The following ABCA13 variants were observed in gnomAD, a reference collection of about 807,000 sequenced individuals.
The protein encoded by ABCA13 is ATP binding cassette subfamily A member 13, also known as ATP-binding cassette sub-family A member 13.
ABCA13 carries 476 observed loss-of-function variants against 478.7 expected under a neutral mutation model. That is an observed-to-expected ratio of 0.99 (90% CI 0.92 to 1.07). The LOEUF is 1.07. Ranked by LOEUF, ABCA13 falls within the 50% of genes least tolerant of loss-of-function variation. ABCA13 has a pLI of 0.00. For synonymous variants in ABCA13, 2,252 were observed against 2,158.9 expected (o/e 1.04, Z -1.20); for missense variants, 6,060 against 5,910.6 (o/e 1.03, Z -0.83).
At chr7:48,554,894 G>C (rs535521906) in intron 55 of ABCA13, among the ~76,000 whole-genome samples, 1 of 150,994 alleles carries the variant, frequency 6.6e-6, no homozygotes, top group Non-Finnish European at 1.5e-5. Flanking sequence ...AATAACAGTG[G>C]TGAAGGTGTC....
chr7:48,245,908 AAGG>A lies in ABCA13; in HGVS notation c.1541_1543del (p.Glu514del). 6.2e-7 allele frequency: 1 copy of A among 1,613,576 alleles called. No homozygotes were observed. The highest frequency in any genetic ancestry group is 8.5e-7 in the Non-Finnish European group (1 of 1,179,738). On this transcript the variant is annotated inframe_deletion, in exon 13 of 62. Coordinates refer to ENST00000435803, the MANE Select transcript of ABCA13 (RefSeq NM_152701.5). ...CTGCCCGAATGGTCGTTTCTCTGAG[AAGG>A]AGGTCTTTTTGCCGCCTGGAAACTC...
chr7:48,177,031 G>A (rs1024789212), intron 1 of ABCA13, among the ~76,000 whole-genome samples: 16 of 151,910 alleles, frequency 1.1e-4, no homozygotes, highest in African/African-American at 3.4e-4. Flanking sequence ...AACTGAACTT[G>A]GTGTTACAAA....
At chr7:48,581,478 G>A (rs1352708009) in intron 56 of ABCA13, among the ~76,000 whole-genome samples, 2 of 152,116 alleles carry the variant, frequency 1.3e-5, no homozygotes, top group African/African-American at 2.4e-5. Context: ...GGCATCCGTG[G>A]CTAATTGTTG....
chr7:48,421,468 A>C (rs990905713), intron 41 of ABCA13, among the ~76,000 whole-genome samples: 1 of 152,210 alleles, frequency 6.6e-6, no homozygotes, highest in Admixed American at 6.5e-5. Context: ...ACAATTCAGT[A>C]GGGTCATTAT....
chr7:48,508,469 C>T (rs538411097), intron 50 of ABCA13, among the ~76,000 whole-genome samples: 1 of 152,102 alleles, frequency 6.6e-6, no homozygotes, highest in South Asian at 2.1e-4. Context: ...GTATTATTAG[C>T]ATTTTTGGAA....
chr7:48,471,558 C>A lies in ABCA13; in HGVS notation c.12934C>A (p.Pro4312Thr), dbSNP rs899310494. The change falls in exon 45 of 62, where the codon CCC (proline) becomes ACC (threonine). Residue 4312 changes from proline to threonine, a missense_variant. This residue lies in a region of ABCA13 where 1,627 missense variants were observed against 1,571.0 expected (regional missense o/e 1.04). Coordinates refer to ENST00000435803, the MANE Select transcript of ABCA13 (RefSeq NM_152701.5). The stretch of plus-strand genomic sequence containing the variant: ...GAATTCTTCATGCTGGCGCACAGAT[C>A]CCTTTTCTCACCCAGAATTCCAGGA... ...QKNSSCWRTD[P>T]FSHPEFQDSC... The A allele has an allele frequency of 2.6e-6, 4 of 1,563,824 alleles. No homozygotes were observed. Among genetic ancestry groups the A allele is most frequent in the Non-Finnish European group, 3.5e-6 (4 of 1,152,044 alleles).
chr7:48,527,898 A>G (rs1193412623), intron 54 of ABCA13, among the ~76,000 whole-genome samples: 1 of 152,156 alleles, frequency 6.6e-6, no homozygotes, highest in Non-Finnish European at 1.5e-5. Flanking sequence ...GTGACTTCCT[A>G]AGAATATTAT....
chr7:48,527,159 A>C (rs765257233), intron 54 of ABCA13, among the ~76,000 whole-genome samples: 19 of 152,268 alleles, frequency 1.2e-4, no homozygotes, highest in Non-Finnish European at 2.1e-4. Context: ...AAGCGTTGGT[A>C]GAATTTGGAT....
chr7:48,388,948 A>G, intron 36 of ABCA13, 92 bp from the exon 37 acceptor site: 1 of 1,443,988 alleles, frequency 6.9e-7, no homozygotes, highest in Non-Finnish European at 9.5e-7. Flanking sequence ...GCTGGAATTC[A>G]ATTTCAAAGC....
intron 8 of ABCA13, among the ~76,000 whole-genome samples, chr7:48,237,546 A>T (rs1195835226): frequency 2.0e-5 from 3 of 152,108 alleles, no homozygotes; most frequent in Non-Finnish European, 4.4e-5. Flanking sequence ...GACTTCTCTC[A>T]CTCTCATAAT....
intron 39 of ABCA13, among the ~76,000 whole-genome samples, chr7:48,408,280 A>T (rs1240868690): frequency 6.6e-6 from 1 of 151,076 alleles, no homozygotes; most frequent in African/African-American, 2.4e-5. Flanking sequence ...CAACCATTCT[A>T]CTCTTTGCTT....
At chr7:48,633,931 CATAGATAGATAG>C (rs58253125) in intron 59 of ABCA13, among the ~76,000 whole-genome samples, 20,168 of 144,776 alleles carry the variant, frequency 0.14, 1,467 homozygotes, top group Non-Finnish European at 0.16. Context: ...TAGATAGATA[CATAGATAGATAG>C]ATAGATAGAT....
Position 48,233,952 on chromosome 7 carries a change from G to T in ABCA13, c.764-66G>T. Reference sequence around the variant, plus strand: ...AGGTGAAAAAAGGTATTTTTTTTCTGGATTACATTAAACATATCAAAATAT... The same window carrying T: ...AGGTGAAAAAAGGTATTTTTTTTCTTGATTACATTAAACATATCAAAATAT... On this transcript the variant is annotated intron_variant, in intron 7 of 61. Transcript: ENST00000435803. 5 of 1,560,536 alleles carry T rather than the reference G, an allele frequency of 3.2e-6. No homozygotes were observed. The Admixed American group carries it at 7.5e-5, about 23-fold the overall frequency.
chr7:48,272,968 T>C lies in ABCA13; in HGVS notation c.3302T>C (p.Ile1101Thr), dbSNP rs1795819490. The C allele has an allele frequency of 1.2e-6, 2 of 1,613,528 alleles. No homozygotes were observed. The highest frequency in any genetic ancestry group is 3.3e-5 in the Admixed American group (2 of 59,948). ...GACCTATTGGATAATAAATGCTTGATTTCGGACAATAAACACATTTCTTCC... is the reference window on the plus strand; with the variant it reads ...GACCTATTGGATAATAAATGCTTGACTTCGGACAATAAACACATTTCTTCC... ...VEDLLDNKCL[I>T]SDNKHISSVN... The change falls in exon 17 of 62, where the codon ATT becomes ACT. Residue 1101 changes from isoleucine (I) to threonine (T), a missense_variant. This residue lies in a region of ABCA13 where 4,423 missense variants were observed against 4,309.1 expected (regional missense o/e 1.03). Transcript: ENST00000435803.
chr7:48,439,555 T>C (rs1226626768), intron 42 of ABCA13, among the ~76,000 whole-genome samples: 1 of 152,150 alleles, frequency 6.6e-6, no homozygotes, highest in Non-Finnish European at 1.5e-5. Flanking sequence ...AATTATGATA[T>C]ATGCAGGAGG....
At chr7:48,382,185 G>A (rs1195332810) in intron 35 of ABCA13, among the ~76,000 whole-genome samples, 1 of 152,084 alleles carries the variant, frequency 6.6e-6, no homozygotes, top group Non-Finnish European at 1.5e-5. Context: ...GCGAGTTACA[G>A]TGCCTTTGTA....
chr7:48,627,552 AG>A (rs2131620632), intron 59 of ABCA13, among the ~76,000 whole-genome samples: 1 of 152,310 alleles, frequency 6.6e-6, no homozygotes, highest in African/African-American at 2.4e-5. Context: ...ACATCTCTGG[AG>A]GTAGTCTTTT....
chr7:48,600,141 T>C (rs1212862506), intron 58 of ABCA13, among the ~76,000 whole-genome samples: 1 of 152,256 alleles, frequency 6.6e-6, no homozygotes, highest in Admixed American at 6.5e-5. Flanking sequence ...ATCATACTAA[T>C]ATTTTGACTT....
intron 38 of ABCA13, among the ~76,000 whole-genome samples, chr7:48,399,072 G>A (rs1365373398): frequency 2.0e-5 from 3 of 152,272 alleles, no homozygotes; most frequent in Non-Finnish European, 4.4e-5. Context: ...TGAAGGGAAT[G>A]AAGGTCTTAT....
Sources: gnomAD v4.1 joint callset for allele counts (sites outside exome capture counted in the v4.1 genomes callset) on GRCh38, gnomAD v4.1.1 for gene constraint, gnomAD v4.1.1 regional missense constraint, MANE v1.5 for transcripts, NCBI Gene and HGNC (gene_info 2026-07-23, HGNC 2026-07-21) for gene names.